The following HIVEP2 variants were observed in gnomAD, a reference collection of about 807,000 sequenced individuals.
HIVEP2 encodes the protein HIVEP zinc finger 2.
Under a neutral mutation model 180.7 loss-of-function variants are expected in HIVEP2, and 14 were observed. That is an observed-to-expected ratio of 0.08 (90% CI 0.05 to 0.12). The LOEUF is 0.12. Ranked by LOEUF, HIVEP2 falls within the 10% of genes least tolerant of loss-of-function variation. The probability of loss-of-function intolerance (pLI) is 1.00; values close to 1 mark genes in which losing one functional copy is unlikely to be tolerated. For synonymous variants in HIVEP2, 1,184 were observed against 1,136.4 expected, an observed-to-expected ratio of 1.04 and a Z score of -0.84; for missense variants, 2,579 against 3,008.5, an observed-to-expected ratio of 0.86 and a Z score of 3.34.
At position 142,752,872 on chromosome 6, in the gene HIVEP2, A is replaced by G; in HGVS notation, c.*235T>C. ...AGCAAAGTAAAGAAAAGGCACAAAC[A>G]TCTGTACAATTTTAAAAGTACCAGA... is the stretch of plus-strand genomic sequence containing the variant. On this transcript the variant is annotated 3_prime_UTR_variant, in exon 10 of 10. Coordinates refer to ENST00000367603, the MANE Select transcript of HIVEP2 (RefSeq NM_006734.4). 1 of 461,722 alleles carries G rather than the reference A, an allele frequency of 2.2e-6. No individual in the cohort carries two copies. Among genetic ancestry groups the G allele is most frequent in the Non-Finnish European group, 3.8e-6 (1 of 260,594 alleles). 28.6% of individuals were successfully genotyped at this position (461,722 alleles called of 1,614,324 possible).
At chr6:142,806,618 G>A (rs1776561185) in intron 2 of HIVEP2, among the ~76,000 whole-genome samples, 1 of 152,036 alleles carries the variant, frequency 6.6e-6, no homozygotes, top group Non-Finnish European at 1.5e-5. Context: ...CCATATTCAA[G>A]GTATAATGGC....
intron 1 of HIVEP2, among the ~76,000 whole-genome samples, chr6:142,846,283 A>G (rs1775514923): frequency 6.6e-6 from 1 of 152,056 alleles, no homozygotes. Flanking sequence ...AAGAAAAAAA[A>G]AAAGAAAAAA....
At chr6:142,924,827 A>C (rs1331202211) in intron 1 of HIVEP2, among the ~76,000 whole-genome samples, 5 of 152,218 alleles carry the variant, frequency 3.3e-5, no homozygotes, top group Admixed American at 3.3e-4. Flanking sequence ...TAGTATGTTA[A>C]TCTCCTGGTG....
chr6:142,797,141 A>C (rs1002728848), intron 2 of HIVEP2, among the ~76,000 whole-genome samples: 1 of 152,098 alleles, frequency 6.6e-6, no homozygotes, highest in African/African-American at 2.4e-5. Context: ...TAACACACCT[A>C]ACTTTTTCTT....
intron 1 of HIVEP2, among the ~76,000 whole-genome samples, chr6:142,876,517 T>C (rs1051752177): frequency 6.6e-6 from 1 of 152,078 alleles, no homozygotes; most frequent in African/African-American, 2.4e-5. Context: ...AGAGCCTGCA[T>C]TAGTAGACAG....
intron 7 of HIVEP2, 128 bp from the exon 8 acceptor site, chr6:142,761,693 T>C: frequency 1.5e-6 from 1 of 681,578 alleles, no homozygotes. Flanking sequence ...CAGATTTGTT[T>C]CTACCCACTA....
chr6:142,762,452 G>GCACACACACACA (rs35168499), intron 7 of HIVEP2, among the ~76,000 whole-genome samples: 34 of 144,038 alleles, frequency 2.4e-4, no homozygotes, highest in African/African-American at 3.6e-4. Context: ...ACAGAAGAAT[G>GCACACACACACA]CACACACACA....
Position 142,774,794 on chromosome 6 carries a change from A to G in HIVEP2, c.-56T>C, listed in dbSNP as rs781515780. Reference sequence around the variant, plus strand: ...CCCTGAAAGCAGTGCAGACTCATGGAGTGTCTCCAAAGCTGTGCTTCTTAA... The same window carrying G: ...CCCTGAAAGCAGTGCAGACTCATGGGGTGTCTCCAAAGCTGTGCTTCTTAA... On this transcript the variant is annotated 5_prime_UTR_variant, in exon 5 of 10. Coordinates refer to ENST00000367603, the MANE Select transcript of HIVEP2 (RefSeq NM_006734.4). This position sits in a 1 kb window ranked among gnomAD's most constrained non-coding sequence, Gnocchi z 5.1. 2 of 1,570,706 alleles carry G rather than the reference A, an allele frequency of 1.3e-6. No homozygotes were observed. The highest frequency in any genetic ancestry group is 4.5e-5 in the East Asian group (2 of 44,570).
At chr6:142,811,201 G>GAA in intron 2 of HIVEP2, among the ~76,000 whole-genome samples, 1 of 116,676 alleles carries the variant, frequency 8.6e-6, no homozygotes, top group South Asian at 3.0e-4. Context: ...GTGTGTGTGT[G>GAA]AGAGAGACAG....
In HIVEP2 at chr6:142,773,200, C is replaced by A; in HGVS notation, c.1539G>T (p.Arg513Ser). 6.2e-7 allele frequency: 1 copy of A among 1,614,174 alleles called. No individual in the cohort carries two copies. The highest frequency in any genetic ancestry group is 1.1e-5 in the South Asian group (1 of 91,080). The change falls in exon 5 of 10, where the codon AGG (arginine) becomes AGT (serine). Residue 513 changes from arginine to serine, a missense_variant. Arg to Ser is a moderately radical substitution (Grantham distance 110). Transcript: ENST00000367603. ...RQPQIIPSSIRNEGKLYPANF... is the reference protein window; with the variant it reads ...RQPQIIPSSISNEGKLYPANF... Reference sequence around the variant, plus strand: ...TTGCTGGATAAAGTTTTCCTTCGTTCCTGATAGATGATGGAATAATCTGGG... The same window carrying A: ...TTGCTGGATAAAGTTTTCCTTCGTTACTGATAGATGATGGAATAATCTGGG...
rs773860371 is a variant in HIVEP2 at position 142,772,731 on chromosome 6, C to T, written c.2008G>A (p.Gly670Ser). The T allele has an allele frequency of 6.2e-7, 1 of 1,614,210 alleles. No individual in the cohort carries two copies. The highest frequency in any genetic ancestry group is 1.1e-5 in the South Asian group (1 of 91,082). ...DISCLSSLKH[G>S]GEYFMDPVVP... Reference sequence around the variant, plus strand: ...ACGGGATCCATGAAATATTCTCCACCATGCTTTAAAGAACTCAAGCAGGAA... The same window carrying T: ...ACGGGATCCATGAAATATTCTCCACTATGCTTTAAAGAACTCAAGCAGGAA... Residue 670 changes from glycine (G) to serine (S), a missense_variant, in exon 5 of 10, where the codon GGT becomes AGT. Physicochemically the swap from Gly to Ser is moderately conservative, Grantham distance 56. This residue lies in a region of HIVEP2 where 524 missense variants were observed against 563.6 expected (regional missense o/e 0.93). Transcript: ENST00000367603. This position sits in a 1 kb window ranked among gnomAD's most constrained non-coding sequence, Gnocchi z 4.9.
chr6:142,906,737 A>T (rs1777272919), intron 1 of HIVEP2, among the ~76,000 whole-genome samples: 1 of 152,196 alleles, frequency 6.6e-6, no homozygotes, highest in Non-Finnish European at 1.5e-5. Flanking sequence ...AAGTGTTTAT[A>T]AAAATGATTT....
intron 2 of HIVEP2, among the ~76,000 whole-genome samples, chr6:142,795,129 T>C (rs879142985): frequency 6.6e-6 from 1 of 152,324 alleles, no homozygotes; most frequent in Admixed American, 6.5e-5. Context: ...CACATATAAA[T>C]AATTTGAAGA....
chr6:142,830,216 C>T, intron 2 of HIVEP2, among the ~76,000 whole-genome samples: 1 of 151,782 alleles, frequency 6.6e-6, no homozygotes, highest in East Asian at 1.9e-4. Flanking sequence ...ATTAAAAATC[C>T]CCCTGCCTCC....
intron 2 of HIVEP2, among the ~76,000 whole-genome samples, chr6:142,825,940 T>G (rs933135012): frequency 2.6e-5 from 4 of 152,002 alleles, no homozygotes; most frequent in African/African-American, 7.2e-5. Context: ...ATAAAAATAA[T>G]AAATGATTAT....
At position 142,760,101 on chromosome 6, in the gene HIVEP2, A is replaced by T; in HGVS notation, c.6187T>A (p.Tyr2063Asn). 1 of 1,614,086 alleles carries T rather than the reference A, an allele frequency of 6.2e-7. No homozygotes were observed. Among genetic ancestry groups the T allele is most frequent in the South Asian group, 1.1e-5 (1 of 91,076 alleles). ...SPCRDNSPKR[Y>N]LIPKGDLSPR... ...GATAAATCTCCTTTGGGTATCAGATACCTCTTTGGTGAATTATCTCGACAG... is the reference window on the plus strand; with the variant it reads ...GATAAATCTCCTTTGGGTATCAGATTCCTCTTTGGTGAATTATCTCGACAG... Residue 2063 changes from tyrosine (Y) to asparagine (N), a missense_variant, in exon 9 of 10, where the codon TAT becomes AAT. Transcript: ENST00000367603.
Position 142,807,583 on chromosome 6 carries a change from C to T in HIVEP2, c.-527-23968G>A, listed in dbSNP as rs143992322. 2.2e-4 allele frequency among the ~76,000 whole-genome samples: 33 copies of T among 151,598 alleles called. No individual in the cohort carries two copies. In the East Asian group the frequency reaches 5.8e-3, roughly 27 times the overall value. ...ACGTTCTCATAAAAAGCACCCCAAACGCCTTAAACAGTAGTCCCATAACTT... is the reference window on the plus strand; with the variant it reads ...ACGTTCTCATAAAAAGCACCCCAAATGCCTTAAACAGTAGTCCCATAACTT... On this transcript the variant is annotated intron_variant, in intron 2 of 9. Transcript: ENST00000367603.
Position 142,774,780 on chromosome 6 carries a change from G to C in HIVEP2, c.-42C>G. 6.3e-7 allele frequency: 1 copy of C among 1,591,788 alleles called. No individual in the cohort carries two copies. On this transcript the variant is annotated 5_prime_UTR_variant, in exon 5 of 10. Coordinates refer to ENST00000367603, the MANE Select transcript of HIVEP2 (RefSeq NM_006734.4). The surrounding 1 kb of genome is among the most constrained non-coding windows in gnomAD (Gnocchi z 5.1). ...TTAAGTGCTAGTTCCCCTGAAAGCAGTGCAGACTCATGGAGTGTCTCCAAA... is the reference window on the plus strand; with the variant it reads ...TTAAGTGCTAGTTCCCCTGAAAGCACTGCAGACTCATGGAGTGTCTCCAAA...
In HIVEP2 at chr6:142,760,656, C is replaced by T; in HGVS notation, c.5632G>A (p.Asp1878Asn). The change falls in exon 9 of 10, where the codon GAT (aspartate) becomes AAT (asparagine). Residue 1878 changes from aspartate (D) to asparagine (N), a missense_variant. By Grantham distance (23) the Asp-to-Asn change is conservative. Coordinates refer to ENST00000367603, the MANE Select transcript of HIVEP2 (RefSeq NM_006734.4). ...TGCTTCTCTGCTGCTTTGTGCAAAT[C>T]TTCCAAATTTTCTGAAACAATTAAA... The part of the protein sequence containing the change: ...TETEEAENLE[D>N]LHKAAEKHSM... 6.3e-7 allele frequency: 1 copy of T among 1,591,842 alleles called. No individual in the cohort carries two copies. The highest frequency in any genetic ancestry group is 8.5e-7 in the Non-Finnish European group (1 of 1,170,154).
Sources: allele counts gnomAD v4.1 joint callset (sites outside exome capture counted in the v4.1 genomes callset), GRCh38; gene constraint gnomAD v4.1.1; regional missense constraint gnomAD v4.1.1; non-coding constraint Gnocchi (gnomAD v3.1); transcripts MANE v1.5; gene names NCBI Gene and HGNC (gene_info 2026-07-23, HGNC 2026-07-21).